Variants in BCAS3 observed in about 807,000 individuals in gnomAD.
BCAS3 encodes the protein BCAS4/BCAS3 fusion.
A neutral mutation model predicts 116.1 loss-of-function variants in BCAS3; 53 were observed. The ratio of observed to expected loss-of-function variants is 0.46; its 90% CI spans 0.37 to 0.57. BCAS3 has a LOEUF of 0.57. Ranked by LOEUF, BCAS3 falls within the 20% of genes least tolerant of loss-of-function variation. The probability of loss-of-function intolerance (pLI) is 0.00; values close to 1 mark genes in which losing one functional copy is unlikely to be tolerated. For missense variants in BCAS3, 917 were observed against 1,165.4 expected (o/e 0.79, Z 3.10); for synonymous variants, 391 against 408.2 (o/e 0.96, Z 0.51).
chr17:60,794,278 G>A (rs995162871), intron 6 of BCAS3, among the ~76,000 whole-genome samples: 1 of 152,016 alleles, frequency 6.6e-6, no homozygotes, highest in Non-Finnish European at 1.5e-5. Context: ...TAATTGGTTT[G>A]AGTTCGTTGT....
intron 22 of BCAS3, among the ~76,000 whole-genome samples, chr17:61,164,867 A>C (rs1316323300): frequency 6.6e-6 from 1 of 152,236 alleles, no homozygotes; most frequent in Non-Finnish European, 1.5e-5. Context: ...CAAATGATGG[A>C]TAAGATACCT....
Position 60,990,343 on chromosome 17 carries a change from AAGATCTT to A in BCAS3, c.1486+111_1486+117del. ...TGTTATAGTCTGTTCATGTAAAAAG[AAGATCTT>A]AGGCTTATATGAAATTCTTAATTAT... On this transcript the variant is annotated intron_variant, in intron 15 of 23. Transcript: ENST00000407086. The surrounding 1 kb of genome is among the most constrained non-coding windows in gnomAD (Gnocchi z 5.1). 8.3e-7 allele frequency: 1 copy of A among 1,201,912 alleles called. No individual in the cohort carries two copies. Among genetic ancestry groups the A allele is most frequent in the Non-Finnish European group, 1.2e-6 (1 of 861,700 alleles). 74.5% of individuals were successfully genotyped at this position (1,201,912 alleles called of 1,614,324 possible).
rs2056375128 is a variant in BCAS3 at position 61,332,524 on chromosome 17, T to G, written c.2426-35803T>G. ...GAAAAGAATCTCCTAAAGAGACTGTTGCAGTTTTACAGAGTTCTTTCCAAC... is the reference window on the plus strand; with the variant it reads ...GAAAAGAATCTCCTAAAGAGACTGTGGCAGTTTTACAGAGTTCTTTCCAAC... On this transcript the variant is annotated intron_variant, in intron 22 of 23. Coordinates refer to ENST00000407086, the MANE Select transcript of BCAS3 (RefSeq NM_017679.5). This position sits in a 1 kb window ranked among gnomAD's most constrained non-coding sequence, Gnocchi z 5.4. Among the ~76,000 whole-genome samples, 1 of 152,234 alleles carries G rather than the reference T, an allele frequency of 6.6e-6. No individual in the cohort carries two copies. Among genetic ancestry groups the G allele is most frequent in the South Asian group, 2.1e-4 (1 of 4,824 alleles).
rs2056817249 is a variant in BCAS3 at position 61,337,515 on chromosome 17, T to C, written c.2426-30812T>C. Among the ~76,000 whole-genome samples the C allele has an allele frequency of 6.6e-6, 1 of 152,156 alleles. No individual in the cohort carries two copies. Among genetic ancestry groups the C allele is most frequent in the Non-Finnish European group, 1.5e-5 (1 of 68,020 alleles). The stretch of plus-strand genomic sequence containing the variant: ...AGGTCTTCCTCTTGGAGCAACAAAA[T>C]GCTCCCAGGGATCCTCCTGCCAAGA... On this transcript the variant is annotated intron_variant, in intron 22 of 23. Transcript: ENST00000407086. This position sits in a 1 kb window ranked among gnomAD's most constrained non-coding sequence, Gnocchi z 4.8.
chr17:60,983,563 A>T (rs914708679), intron 14 of BCAS3, among the ~76,000 whole-genome samples: 1 of 152,170 alleles, frequency 6.6e-6, no homozygotes, highest in African/African-American at 2.4e-5. Context: ...TCACTTCTCT[A>T]TTAGCAGTTT....
chr17:60,774,700 C>G (rs564269780), intron 6 of BCAS3, among the ~76,000 whole-genome samples: 1 of 152,182 alleles, frequency 6.6e-6, no homozygotes, highest in East Asian at 1.9e-4. Context: ...CTTAAGAGAG[C>G]TAGATAGTAT....
chr17:61,255,306 C>A (rs2048698181), intron 22 of BCAS3, among the ~76,000 whole-genome samples: 1 of 151,822 alleles, frequency 6.6e-6, no homozygotes, highest in Admixed American at 6.6e-5. Context: ...CTCCTCATCT[C>A]CAGGTCACCC....
intron 22 of BCAS3, among the ~76,000 whole-genome samples, chr17:61,322,832 G>GAGAGAGAGAGAGAGAGAC (rs2055379359): frequency 1.7e-5 from 2 of 119,846 alleles, no homozygotes; most frequent in Non-Finnish European, 3.2e-5. Context: ...GAGAGAGACA[G>GAGAGAGAGAGAGAGAGAC]AGAGAGAGAG....
chr17:61,297,376 A>C (rs1241397135), intron 22 of BCAS3, among the ~76,000 whole-genome samples: 2 of 152,144 alleles, frequency 1.3e-5, no homozygotes, highest in African/African-American at 4.8e-5. Context: ...AGCCAAAGTC[A>C]TACTCCTTGA....
chr17:60,989,920 A>T, intron 14 of BCAS3, 51 bp from the exon 15 acceptor site: 1 of 1,579,530 alleles, frequency 6.3e-7, no homozygotes, highest in South Asian at 1.1e-5. Context: ...ACTCTTAGAA[A>T]AATCCAAGTA....
Position 61,020,054 on chromosome 17 carries a change from G to A in BCAS3, c.1637+4153G>A, listed in dbSNP as rs772266526. ...AAAATTATGTACTTAGGTTAGATAA[G>A]CTTCCACTTCATCTATGTCCGAGGT... On this transcript the variant is annotated intron_variant, in intron 16 of 23. Coordinates refer to ENST00000407086, the MANE Select transcript of BCAS3 (RefSeq NM_017679.5). This position sits in a 1 kb window ranked among gnomAD's most constrained non-coding sequence, Gnocchi z 4.5. 1.3e-5 allele frequency among the ~76,000 whole-genome samples: 2 copies of A among 152,166 alleles called. No individual in the cohort carries two copies. The highest frequency in any genetic ancestry group is 2.4e-5 in the African/African-American group (1 of 41,440).
At chr17:60,713,439 C>G (rs1036010584) in intron 5 of BCAS3, among the ~76,000 whole-genome samples, 1 of 152,088 alleles carries the variant, frequency 6.6e-6, no homozygotes, top group South Asian at 2.1e-4. Context: ...AAAAATGACT[C>G]TCATGGATCT....
Position 60,889,686 on chromosome 17 carries a change from A to G in BCAS3, c.662-9A>G. On this transcript the variant is annotated splice_polypyrimidine_tract_variant and intron_variant, in intron 9 of 23. Coordinates refer to ENST00000407086, the MANE Select transcript of BCAS3 (RefSeq NM_017679.5). ...AAATTTCTCAATAGTGCCATTTGAA[A>G]TTTTTCAGGCTGCTATCCATGTCCA... 6.2e-7 allele frequency: 1 copy of G among 1,611,358 alleles called. No homozygotes were observed. The highest frequency in any genetic ancestry group is 8.5e-7 in the Non-Finnish European group (1 of 1,178,464).
intron 13 of BCAS3, among the ~76,000 whole-genome samples, chr17:60,930,521 A>C (rs1259478899): frequency 6.6e-6 from 1 of 151,504 alleles, no homozygotes; most frequent in African/African-American, 2.4e-5. Context: ...CAGTAGTGTG[A>C]TCTCGGCTCA....
In BCAS3 at chr17:61,392,092, G is replaced by T; in HGVS notation, c.2709G>T (p.Gln903His). The T allele has an allele frequency of 6.2e-7, 1 of 1,613,764 alleles. No homozygotes were observed. Among genetic ancestry groups the T allele is most frequent in the Non-Finnish European group, 8.5e-7 (1 of 1,179,990 alleles). The part of the protein sequence containing the change: ...YRSPLPTNES[Q>H]PLSLFPTGFP ...CTCCGCTGCCCACCAATGAGAGCCA[G>T]CCCCTCAGCCTCTTCCCGACTGGCT... The change falls in exon 24 of 24, where the codon CAG (glutamine) becomes CAT (histidine). Residue 903 changes from glutamine to histidine, a missense_variant. By Grantham distance (24) the Gln-to-His change is conservative. Coordinates refer to ENST00000407086, the MANE Select transcript of BCAS3 (RefSeq NM_017679.5). This position sits in a 1 kb window ranked among gnomAD's most constrained non-coding sequence, Gnocchi z 6.4.
At position 61,302,753 on chromosome 17, in the gene BCAS3, G is replaced by A. The variant is rs1037864461; in HGVS notation, c.2426-65574G>A. Among the ~76,000 whole-genome samples, 6 of 151,964 alleles carry A rather than the reference G, an allele frequency of 3.9e-5. No individual in the cohort carries two copies. Among genetic ancestry groups the A allele is most frequent in the East Asian group, 1.9e-4 (1 of 5,176 alleles). On this transcript the variant is annotated intron_variant, in intron 22 of 23. Transcript: ENST00000407086. This position sits in a 1 kb window ranked among gnomAD's most constrained non-coding sequence, Gnocchi z 4.4. ...ATCCTTCATTTACAATATCAGCTAC[G>A]GCCTCTGGATGTGTTTTTATCTAAG...
rs887194315 is a variant in BCAS3 at position 61,326,900 on chromosome 17, C to G, written c.2426-41427C>G. 6.6e-6 allele frequency among the ~76,000 whole-genome samples: 1 copy of G among 151,390 alleles called. No individual in the cohort carries two copies. The highest frequency in any genetic ancestry group is 1.5e-5 in the Non-Finnish European group (1 of 67,862). On this transcript the variant is annotated intron_variant, in intron 22 of 23. Coordinates refer to ENST00000407086, the MANE Select transcript of BCAS3 (RefSeq NM_017679.5). This position sits in a 1 kb window ranked among gnomAD's most constrained non-coding sequence, Gnocchi z 5.3. ...ACACCATCTCTCCCTTTAGGCAACT[C>G]AAAATCTATTTGTATTTGTTGTTAG...
At chr17:60,689,515 A>G (rs1179184848) in intron 3 of BCAS3, among the ~76,000 whole-genome samples, 171 bp from the exon 4 acceptor site, 1 of 152,220 alleles carries the variant, frequency 6.6e-6, no homozygotes, top group Non-Finnish European at 1.5e-5. Flanking sequence ...TATGAGACTC[A>G]TGGATAATAT....
chr17:61,389,873 T>C (rs1020036484), intron 23 of BCAS3: 6 of 152,346 alleles, frequency 3.9e-5, no homozygotes, highest in East Asian at 1.9e-4. Context: ...GGGGGTGCCA[T>C]GCCTGGGCCC....
Sources: allele counts gnomAD v4.1 joint callset (sites outside exome capture counted in the v4.1 genomes callset), GRCh38; gene constraint gnomAD v4.1.1; non-coding constraint Gnocchi (gnomAD v3.1); transcripts MANE v1.5; gene names NCBI Gene and HGNC (gene_info 2026-07-23, HGNC 2026-07-21).